Variants in EPSTI1 observed in about 807,000 individuals in gnomAD.
EPSTI1 encodes epithelial stromal interaction 1.
EPSTI1 carries 66 observed loss-of-function variants against 49.9 expected under a neutral mutation model. The ratio of observed to expected loss-of-function variants is 1.32; its 90% CI spans 1.08 to 1.62. EPSTI1 has a LOEUF of 1.62. Among genes scored for constraint, EPSTI1 ranks in the 40% most tolerant of loss-of-function variants. The pLI, the probability that EPSTI1 is intolerant of heterozygous loss-of-function variation, is 0.00. For synonymous variants in EPSTI1, 137 were observed against 130.7 expected (o/e 1.05, Z -0.33); for missense variants, 394 against 365.5 (o/e 1.08, Z -0.64).
At chr13:42,909,953 C>T (rs752533173) in intron 8 of EPSTI1, among the ~76,000 whole-genome samples, 4 of 152,060 alleles carry the variant, frequency 2.6e-5, no homozygotes, top group African/African-American at 7.2e-5. Context: ...ATGTTAAGTG[C>T]TCTCACCACA....
Position 42,952,260 on chromosome 13 carries a change from G to A in EPSTI1, c.563+1688C>T, listed in dbSNP as rs187907253. Reference sequence around the variant, plus strand: ...CATGCTGTGAAAGCTTTGTTCTTTCGCTCTCCACAATAAATCTTGCTGCTG... The same window carrying A: ...CATGCTGTGAAAGCTTTGTTCTTTCACTCTCCACAATAAATCTTGCTGCTG... On this transcript the variant is annotated intron_variant, in intron 6 of 10. Transcript: ENST00000313624. Among the ~76,000 whole-genome samples, 22 of 152,258 alleles carry A rather than the reference G, an allele frequency of 1.4e-4. No homozygotes were observed. In the South Asian group the frequency reaches 1.7e-3, roughly 11 times the overall value.
chr13:42,932,638 AT>A (rs1389803772), intron 6 of EPSTI1, among the ~76,000 whole-genome samples: 4 of 151,782 alleles, frequency 2.6e-5, no homozygotes, highest in Non-Finnish European at 5.9e-5. Flanking sequence ...AAAAAAAAAA[AT>A]GTTGGCAAGA....
intron 9 of EPSTI1, among the ~76,000 whole-genome samples, chr13:42,895,812 A>C (rs1038063327): frequency 7.9e-5 from 12 of 152,214 alleles, no homozygotes; most frequent in African/African-American, 2.9e-4. Context: ...ATGGCACTGC[A>C]ATAGGTACCC....
intron 1 of EPSTI1, among the ~76,000 whole-genome samples, chr13:42,973,764 C>G (rs946198696): frequency 3.3e-5 from 5 of 152,188 alleles, no homozygotes; most frequent in Admixed American, 3.3e-4. Flanking sequence ...CAGCCTGACT[C>G]TCAAAGTTGC....
chr13:42,945,910 T>C (rs1200724182), intron 6 of EPSTI1, among the ~76,000 whole-genome samples: 1 of 152,250 alleles, frequency 6.6e-6, no homozygotes, highest in African/African-American at 2.4e-5. Context: ...AGTCTTATTC[T>C]GAACAAAATA....
chr13:42,981,312 T>A (rs2039982794), intron 1 of EPSTI1, among the ~76,000 whole-genome samples: 1 of 152,226 alleles, frequency 6.6e-6, no homozygotes, highest in Non-Finnish European at 1.5e-5. Flanking sequence ...CTTACAGCAC[T>A]CTACTGACTT....
At position 42,963,326 on chromosome 13, in the gene EPSTI1, C is replaced by A. The variant is rs1312670353; in HGVS notation, c.418G>T (p.Glu140Ter). ...GCTTCCTTCTTGATTCTTACAGATT[C>A]TTCTCTTTTTAGCTAAATTGTATTG... ...SKYKQKLKRE[E>*]SVRIKKEAEE... The change falls in exon 5 of 11, where the codon GAA becomes TAA. Residue 140 changes from glutamate to a stop codon, truncating the protein, a stop_gained. Transcript: ENST00000313624. LOFTEE classifies it high-confidence loss of function. The A allele has an allele frequency of 1.2e-6, 2 of 1,611,740 alleles. No individual in the cohort carries two copies. The highest frequency in any genetic ancestry group is 1.7e-6 in the Non-Finnish European group (2 of 1,179,362).
At chr13:42,911,702 C>A (rs1278341138) in intron 8 of EPSTI1, among the ~76,000 whole-genome samples, 2 of 152,140 alleles carry the variant, frequency 1.3e-5, no homozygotes, top group African/African-American at 4.8e-5. Context: ...TTACTAATCT[C>A]TTCTTGATTA....
intron 10 of EPSTI1, among the ~76,000 whole-genome samples, chr13:42,891,260 T>G (rs2037027055): frequency 6.6e-6 from 1 of 152,240 alleles, no homozygotes; most frequent in African/African-American, 2.4e-5. Flanking sequence ...TGGATAATAC[T>G]TCCTTCTTTT....
intron 4 of EPSTI1, 83 bp from the exon 5 acceptor site, chr13:42,963,421 G>C (rs1188595265): frequency 9.6e-7 from 1 of 1,038,312 alleles, no homozygotes; most frequent in African/African-American, 1.6e-5. Context: ...ATGATGAAAG[G>C]CAAATTACAG....
chr13:42,974,483 C>T (rs1190848173), intron 1 of EPSTI1, among the ~76,000 whole-genome samples: 1 of 148,620 alleles, frequency 6.7e-6, no homozygotes, highest in Non-Finnish European at 1.5e-5. Flanking sequence ...CGGTGAAACC[C>T]CGTCTCTACT....
intron 7 of EPSTI1, among the ~76,000 whole-genome samples, chr13:42,920,010 A>T (rs775818720): frequency 1.2e-4 from 18 of 152,274 alleles, no homozygotes; most frequent in Non-Finnish European, 2.1e-4. Context: ...CTCCATCTTC[A>T]TCATGCATCT....
chr13:42,979,782 G>C (rs1367472672), intron 1 of EPSTI1, among the ~76,000 whole-genome samples: 1 of 151,922 alleles, frequency 6.6e-6, no homozygotes, highest in African/African-American at 2.4e-5. Context: ...ATTTTAGCAT[G>C]TATCTCCTAA....
intron 4 of EPSTI1, chr13:42,963,601 T>C (rs2039522652): frequency 4.2e-6 from 2 of 472,200 alleles, no homozygotes. Context: ...TGTCTCTCTC[T>C]GTGTGTATGT....
In EPSTI1 at chr13:42,921,872, A is replaced by G. The variant is rs1037011174; in HGVS notation, c.658-4248T>C. 3.9e-5 allele frequency among the ~76,000 whole-genome samples: 6 copies of G among 152,326 alleles called. No homozygotes were observed. The East Asian group carries it at 1.2e-3, about 29-fold the overall frequency. ...GAGGGATCCAGGAGGGAGAGAAAAA[A>G]AAAAATCCACAAGTTATCTGACAGG... On this transcript the variant is annotated intron_variant, in intron 7 of 10. Coordinates refer to ENST00000313624, the MANE Select transcript of EPSTI1 (RefSeq NM_033255.5).
At chr13:42,963,207 A>C (rs780192297) in intron 5 of EPSTI1, 48 bp downstream of exon 5, 1 of 1,461,996 alleles carries the variant, frequency 6.8e-7, no homozygotes, top group Non-Finnish European at 9.5e-7. Flanking sequence ...CTACAACGAA[A>C]CTATAATTGT....
At chr13:42,934,120 G>T (rs76573488) in intron 6 of EPSTI1, 3,700 of 191,710 alleles carry the variant, frequency 0.019, 103 homozygotes, top group South Asian at 0.11. Flanking sequence ...GGGAAATACT[G>T]GGCTACCGTC....
intron 3 of EPSTI1, among the ~76,000 whole-genome samples, chr13:42,968,161 T>A (rs1268324511): frequency 6.6e-6 from 1 of 152,194 alleles, no homozygotes; most frequent in Admixed American, 6.5e-5. Context: ...TAGGAAAGAT[T>A]AAAGCTGTTT....
intron 5 of EPSTI1, among the ~76,000 whole-genome samples, chr13:42,955,885 G>GA (rs1395107698): frequency 2.1e-5 from 3 of 142,888 alleles, no homozygotes; most frequent in South Asian, 2.4e-4. Flanking sequence ...TTTGGGGGGG[G>GA]GGGGAAGTAG....
Sources: allele counts gnomAD v4.1 joint callset (sites outside exome capture counted in the v4.1 genomes callset), GRCh38; gene constraint gnomAD v4.1.1; transcripts MANE v1.5; gene names NCBI Gene and HGNC (gene_info 2026-07-23, HGNC 2026-07-21).